UBE2O: variants seen among roughly 807,000 people sequenced by gnomAD.
UBE2O encodes the protein (E3-independent) E2 ubiquitin-conjugating enzyme.
UBE2O carries 15 observed loss-of-function variants against 125.8 expected under a neutral mutation model. The ratio of observed to expected loss-of-function variants is 0.12; its 90% CI spans 0.08 to 0.18. The LOEUF is 0.18. Among genes scored for constraint, UBE2O ranks in the 10% least tolerant of loss-of-function variants. The pLI is 1.00. For missense variants in UBE2O, 1,280 were observed against 1,723.6 expected (o/e 0.74, Z 4.56); for synonymous variants, 708 against 703.2 (o/e 1.01, Z -0.11).
chr17:76,391,688 G>A lies in UBE2O; in HGVS notation c.3208+68C>T. 2.5e-6 allele frequency: 4 copies of A among 1,605,890 alleles called. No individual in the cohort carries two copies. The highest frequency in any genetic ancestry group is 3.4e-6 in the Non-Finnish European group (4 of 1,174,826). On this transcript the variant is annotated intron_variant, in intron 17 of 17. Transcript: ENST00000319380. The surrounding 1 kb of genome is among the most constrained non-coding windows in gnomAD (Gnocchi z 8.4). ...CAGGCCTACCCTCCACCTGCCAGGG[G>A]GACTATCAGAGTCACTTTCCTCCAC...
rs370599980 is a variant in UBE2O, at chr17:76,402,868, ACAAGTTCTAGGCTGCATCC to A, written c.589-188_589-170del. 2.5e-3 allele frequency among the ~76,000 whole-genome samples: 385 copies of A among 152,100 alleles called. 6 individuals are homozygous for A. The highest frequency in any genetic ancestry group is 8.4e-3 in the African/African-American group (349 of 41,472). On this transcript the variant is annotated intron_variant, in intron 3 of 17. Coordinates refer to ENST00000319380, the MANE Select transcript of UBE2O (RefSeq NM_022066.4). The surrounding 1 kb of genome is among the most constrained non-coding windows in gnomAD (Gnocchi z 5.4). ...ACAGCTGCTGCAGCAGGCCCTCCCT[ACAAGTTCTAGGCTGCATCC>A]CAGCTGCTCTTCCCAGTGAGGAGGA...
At position 76,401,226 on chromosome 17, in the gene UBE2O, G is replaced by A. The variant is rs536570544; in HGVS notation, c.751-72C>T. 5.8e-6 allele frequency: 9 copies of A among 1,552,510 alleles called. No individual in the cohort carries two copies. In the African/African-American group the frequency reaches 1.2e-4, roughly 21 times the overall value. ...ATGGGTGACCATGCTCTCCACGCCT[G>A]TGCCCGCTGGCTGCCCACCTGCAGA... is the stretch of plus-strand genomic sequence containing the variant. On this transcript the variant is annotated intron_variant, in intron 5 of 17. Coordinates refer to ENST00000319380, the MANE Select transcript of UBE2O (RefSeq NM_022066.4).
chr17:76,435,417 T>TACACAC (rs59781051), intron 1 of UBE2O, among the ~76,000 whole-genome samples: 2,178 of 96,378 alleles, frequency 0.023, 35 homozygotes, highest in Admixed American at 0.046. Flanking sequence ...CACACACACA[T>TACACAC]ACACACACAC....
chr17:76,392,348 G>A (rs1335916801), intron 15 of UBE2O, among the ~76,000 whole-genome samples: 1 of 151,940 alleles, frequency 6.6e-6, no homozygotes, highest in African/African-American at 2.4e-5. Context: ...GTGTCCCCCA[G>A]GCTGGAGTAC....
Position 76,390,888 on chromosome 17 carries a change from A to G in UBE2O, c.*55T>C. 1.3e-6 allele frequency: 2 copies of G among 1,517,726 alleles called. No homozygotes were observed. Among genetic ancestry groups the G allele is most frequent in the South Asian group, 1.3e-5 (1 of 78,010 alleles). The allele number at this position is 1,517,726 out of a possible 1,614,324, so 94.0% of individuals were successfully genotyped here. A position where few individuals can be genotyped will look rare whatever the true frequency, so the allele number is the denominator to read the frequency against. Reference sequence around the variant, plus strand: ...AGAGGGGTGATTCCGGGGGGGAGTGAGCAGGCGGCGGCTGGCCTCTCCCAC... The same window carrying G: ...AGAGGGGTGATTCCGGGGGGGAGTGGGCAGGCGGCGGCTGGCCTCTCCCAC... On this transcript the variant is annotated 3_prime_UTR_variant, in exon 18 of 18. Transcript: ENST00000319380.
At chr17:76,426,222 T>G (rs1158917526) in intron 1 of UBE2O, among the ~76,000 whole-genome samples, 2 of 152,186 alleles carry the variant, frequency 1.3e-5, no homozygotes, top group Non-Finnish European at 2.9e-5. Context: ...CAGGCTGGTC[T>G]CGAACGGGGC....
intron 1 of UBE2O, among the ~76,000 whole-genome samples, chr17:76,432,297 C>T (rs2072919055): frequency 1.3e-5 from 2 of 152,180 alleles, no homozygotes; most frequent in South Asian, 4.1e-4. Flanking sequence ...TGTCAATCCA[C>T]AAATATTTCA....
intron 1 of UBE2O, among the ~76,000 whole-genome samples, chr17:76,411,010 AAAG>A (rs2072506152): frequency 6.6e-6 from 1 of 150,986 alleles, no homozygotes; most frequent in African/African-American, 2.4e-5. Flanking sequence ...GACGCTAAAT[AAAG>A]AAGCTACTTT....
In UBE2O at chr17:76,396,856, C is replaced by T. The variant is rs767261917; in HGVS notation, c.2116-35G>A. ...GAAGGGAAGTGCCAGGGTAAGCAGA[C>T]AGGAAGTCACCTCCCCACCACTAAG... is the stretch of plus-strand genomic sequence containing the variant. On this transcript the variant is annotated intron_variant, in intron 13 of 17. Transcript: ENST00000319380. This position sits in a 1 kb window ranked among gnomAD's most constrained non-coding sequence, Gnocchi z 6.7. The T allele has an allele frequency of 9.1e-6, 14 of 1,533,604 alleles. No individual in the cohort carries two copies. In the East Asian group the frequency reaches 3.2e-4, roughly 35 times the overall value. 95.0% of individuals were successfully genotyped at this position (1,533,604 alleles called of 1,614,324 possible). A position where few individuals can be genotyped will look rare whatever the true frequency, so the allele number is the denominator to read the frequency against.
rs1179643711 is a variant in UBE2O at position 76,397,717 on chromosome 17, ATCT to A, written c.2115+79_2115+81del. 3.0e-6 allele frequency: 4 copies of A among 1,354,992 alleles called. No individual in the cohort carries two copies. The Admixed American group carries it at 5.1e-5, about 17-fold the overall frequency. 83.9% of individuals were successfully genotyped at this position (1,354,992 alleles called of 1,614,324 possible). ...TCTCACCAGGAAGACCTGAGAGCCCATCTTCTGGCTACACGCCTGTGGCCCCCG... is the reference window on the plus strand; with the variant it reads ...TCTCACCAGGAAGACCTGAGAGCCCATCTGGCTACACGCCTGTGGCCCCCG... On this transcript the variant is annotated intron_variant, in intron 13 of 17. Transcript: ENST00000319380.
At position 76,397,665 on chromosome 17, in the gene UBE2O, G is replaced by A. The variant is rs562424116; in HGVS notation, c.2115+134C>T. 3.3e-4 allele frequency: 290 copies of A among 874,664 alleles called. 1 individual carries two copies. In the East Asian group the frequency reaches 7.0e-3, roughly 21 times the overall value. 54.2% of individuals were successfully genotyped at this position (874,664 alleles called of 1,614,324 possible). ...GCACCAAGGGCTGTGTGGAATGCCTGCCTTTCCCCTCACGCTTTCGCTGAG... is the reference window on the plus strand; with the variant it reads ...GCACCAAGGGCTGTGTGGAATGCCTACCTTTCCCCTCACGCTTTCGCTGAG... On this transcript the variant is annotated intron_variant, in intron 13 of 17. Coordinates refer to ENST00000319380, the MANE Select transcript of UBE2O (RefSeq NM_022066.4).
At position 76,396,479 on chromosome 17, in the gene UBE2O, T is replaced by C; in HGVS notation, c.2458A>G (p.Ile820Val). 6.2e-7 allele frequency: 1 copy of C among 1,613,936 alleles called. No homozygotes were observed. Among genetic ancestry groups the C allele is most frequent in the Non-Finnish European group, 8.5e-7 (1 of 1,179,986 alleles). ...GTCATGTTCTTGAGGCTCTCCAGGA[T>C]CTTGATGGCCTCTTTCAACTCCCGG... ...SFRELKEAIK[I>V]LESLKNMTVE... Residue 820 changes from isoleucine (I) to valine (V), a missense_variant, in exon 14 of 18, where the codon ATC becomes GTC. Around this residue, in one of 10 missense-constraint regions of UBE2O, gnomAD observed 210 missense variants for 268.9 expected, o/e 0.78. Coordinates refer to ENST00000319380, the MANE Select transcript of UBE2O (RefSeq NM_022066.4). The surrounding 1 kb of genome is among the most constrained non-coding windows in gnomAD (Gnocchi z 6.7).
In UBE2O at chr17:76,396,917, T is replaced by C; in HGVS notation, c.2116-96A>G. ...GGGGATCCCTGATCCGCACAGCTGA[T>C]GGCGACTGGGCTCATGAGGCCTTGG... On this transcript the variant is annotated intron_variant, in intron 13 of 17. Transcript: ENST00000319380. The surrounding 1 kb of genome is among the most constrained non-coding windows in gnomAD (Gnocchi z 6.7). 8.7e-7 allele frequency: 1 copy of C among 1,155,682 alleles called. No individual in the cohort carries two copies. The highest frequency in any genetic ancestry group is 1.2e-6 in the Non-Finnish European group (1 of 825,840). The allele number at this position is 1,155,682 out of a possible 1,614,324, so 71.6% of individuals were successfully genotyped here.
At chr17:76,429,544 A>G (rs2072869361) in intron 1 of UBE2O, among the ~76,000 whole-genome samples, 1 of 144,914 alleles carries the variant, frequency 6.9e-6, no homozygotes, top group African/African-American at 2.6e-5. Context: ...TCTGTCTCAA[A>G]AAAAAAAAAA....
At chr17:76,392,814 G>A (rs1031651040) in intron 15 of UBE2O, among the ~76,000 whole-genome samples, 1 of 152,036 alleles carries the variant, frequency 6.6e-6, no homozygotes, top group Non-Finnish European at 1.5e-5. Flanking sequence ...TTAGCCAGGC[G>A]TGGTGATGCA....
chr17:76,394,736 A>G (rs889638107), intron 15 of UBE2O, among the ~76,000 whole-genome samples: 22 of 152,188 alleles, frequency 1.4e-4, no homozygotes, highest in African/African-American at 5.3e-4. Context: ...GAAGAGGCCT[A>G]TGATTCGGGG....
In UBE2O at chr17:76,400,046, T is replaced by A; in HGVS notation, c.1155+101A>T. 2.0e-6 allele frequency: 3 copies of A among 1,535,652 alleles called. No individual in the cohort carries two copies. In the South Asian group the frequency reaches 3.8e-5, roughly 19 times the overall value. ...AGTAGCCGGCAAGGGTCATCAGGGC[T>A]GCCCCCCAAGGCCTAAAGCACAGAC... On this transcript the variant is annotated intron_variant, in intron 8 of 17. Coordinates refer to ENST00000319380, the MANE Select transcript of UBE2O (RefSeq NM_022066.4). The surrounding 1 kb of genome is among the most constrained non-coding windows in gnomAD (Gnocchi z 4.3).
At chr17:76,411,844 C>T (rs752541784) in intron 1 of UBE2O, among the ~76,000 whole-genome samples, 16 of 152,098 alleles carry the variant, frequency 1.1e-4, no homozygotes, top group African/African-American at 2.7e-4. Flanking sequence ...TGCCACCACC[C>T]GGCTAATTTT....
At chr17:76,436,253 T>A (rs2072996542) in intron 1 of UBE2O, among the ~76,000 whole-genome samples, 3 of 152,038 alleles carry the variant, frequency 2.0e-5, no homozygotes, top group Admixed American at 2.0e-4. Context: ...TCTCAAAAAT[T>A]AATTAATTTA....
Sources: gnomAD v4.1 joint callset for allele counts (sites outside exome capture counted in the v4.1 genomes callset) on GRCh38, gnomAD v4.1.1 for gene constraint, gnomAD v4.1.1 regional missense constraint, Gnocchi (gnomAD v3.1) non-coding constraint, MANE v1.5 for transcripts, NCBI Gene and HGNC (gene_info 2026-07-23, HGNC 2026-07-21) for gene names.